The following FCHSD2 variants were observed in gnomAD, a reference collection of about 807,000 sequenced individuals.
FCHSD2 encodes F-BAR and double SH3 domains protein 2.
A neutral mutation model predicts 108.1 loss-of-function variants in FCHSD2; 38 were observed. The observed-to-expected ratio is 0.35, with a 90% CI of 0.27 to 0.46. FCHSD2 has a LOEUF of 0.46. Ranked by LOEUF, FCHSD2 falls within the 20% of genes least tolerant of loss-of-function variation. FCHSD2 has a pLI of 1.00. For synonymous variants in FCHSD2, 279 were observed against 314.7 expected, an observed-to-expected ratio of 0.89 and a Z score of 1.20; for missense variants, 751 against 897.8, an observed-to-expected ratio of 0.84 and a Z score of 2.09.
rs533679357 is a variant in FCHSD2, at chr11:72,956,784, T to C, written c.705+27304A>G. ...TGAATTTTGGGGAAACTTCAGACCA[T>C]AGCACTATTGCATAGGGGAAAAATG... On this transcript the variant is annotated intron_variant, in intron 8 of 19. Coordinates refer to ENST00000409418, the MANE Select transcript of FCHSD2 (RefSeq NM_014824.3). 2.1e-4 allele frequency among the ~76,000 whole-genome samples: 32 copies of C among 149,780 alleles called. No homozygotes were observed. The South Asian group carries it at 6.1e-3, about 29-fold the overall frequency.
At chr11:72,978,553 A>T (rs1271484637) in intron 8 of FCHSD2, among the ~76,000 whole-genome samples, 4 of 151,984 alleles carry the variant, frequency 2.6e-5, no homozygotes, top group Non-Finnish European at 4.4e-5. Flanking sequence ...CTCAAATCTC[A>T]TCATCTCAAA....
chr11:72,968,957 A>T (rs1308545233), intron 8 of FCHSD2, among the ~76,000 whole-genome samples: 1 of 152,256 alleles, frequency 6.6e-6, no homozygotes, highest in Non-Finnish European at 1.5e-5. Flanking sequence ...TAATAATATT[A>T]AGGCTTTGTC....
intron 9 of FCHSD2, among the ~76,000 whole-genome samples, chr11:72,916,267 A>C (rs945045512): frequency 6.9e-6 from 1 of 145,164 alleles, no homozygotes; most frequent in Non-Finnish European, 1.5e-5. Context: ...TCAAAAAACT[A>C]GCTTTTAATT....
chr11:72,987,167 C>G (rs568428887), intron 6 of FCHSD2, among the ~76,000 whole-genome samples: 18 of 152,304 alleles, frequency 1.2e-4, no homozygotes, highest in African/African-American at 3.1e-4. Flanking sequence ...CATCTCCACA[C>G]CATCTATCAA....
chr11:72,969,906 C>T (rs1211560728), intron 8 of FCHSD2, among the ~76,000 whole-genome samples: 3 of 152,186 alleles, frequency 2.0e-5, no homozygotes, highest in Admixed American at 6.5e-5. Flanking sequence ...CTCATTATTA[C>T]AGGAATAGGG....
chr11:72,845,252 C>G (rs1861090387), intron 14 of FCHSD2, among the ~76,000 whole-genome samples: 1 of 151,928 alleles, frequency 6.6e-6, no homozygotes, highest in Admixed American at 6.6e-5. Flanking sequence ...GAAACCCTGT[C>G]TCTATGAAAA....
chr11:72,876,974 CAT>C (rs1854983338), intron 12 of FCHSD2, among the ~76,000 whole-genome samples: 2 of 150,860 alleles, frequency 1.3e-5, no homozygotes, highest in Non-Finnish European at 1.5e-5. Context: ...ATGATCACTT[CAT>C]TTTTTTTTTT....
intron 4 of FCHSD2, among the ~76,000 whole-genome samples, chr11:73,001,827 T>C (rs1206486849): frequency 1.3e-5 from 2 of 152,180 alleles, no homozygotes; most frequent in Non-Finnish European, 2.9e-5. Flanking sequence ...TGCCATCACC[T>C]TTGCTTGATA....
intron 2 of FCHSD2, among the ~76,000 whole-genome samples, chr11:73,107,791 T>C (rs1860380703): frequency 6.6e-6 from 1 of 152,254 alleles, no homozygotes; most frequent in Non-Finnish European, 1.5e-5. Flanking sequence ...TTCTTTTTTA[T>C]GGCTGAATAG....
intron 3 of FCHSD2, among the ~76,000 whole-genome samples, chr11:73,057,417 T>C (rs1228740014): frequency 6.6e-6 from 1 of 152,126 alleles, no homozygotes; most frequent in East Asian, 1.9e-4. Flanking sequence ...CTTACTGTGG[T>C]AATTATGGGG....
intron 12 of FCHSD2, among the ~76,000 whole-genome samples, chr11:72,883,645 T>C (rs1855135026): frequency 6.6e-6 from 1 of 152,158 alleles, no homozygotes. Context: ...TTAAAAAGAC[T>C]GACAAGTCGG....
intron 3 of FCHSD2, among the ~76,000 whole-genome samples, chr11:73,038,863 C>A (rs980843544): frequency 6.6e-6 from 1 of 152,140 alleles, no homozygotes; most frequent in African/African-American, 2.4e-5. Context: ...AAAAAAAGAT[C>A]TGTCACCAAG....
Position 72,856,046 on chromosome 11 carries a change from G to A in FCHSD2, c.1309-6157C>T, listed in dbSNP as rs575160106. The stretch of plus-strand genomic sequence containing the variant: ...TATTCAAACATACAAAAGCACCAAT[G>A]TTTACACATTTAAGGTTACAAAGAA... On this transcript the variant is annotated intron_variant, in intron 13 of 19. Coordinates refer to ENST00000409418, the MANE Select transcript of FCHSD2 (RefSeq NM_014824.3). Among the ~76,000 whole-genome samples, 28 of 152,302 alleles carry A rather than the reference G, an allele frequency of 1.8e-4. 1 individual carries two copies. The South Asian group carries it at 5.6e-3, about 30-fold the overall frequency.
At chr11:72,913,205 G>A in intron 9 of FCHSD2, among the ~76,000 whole-genome samples, 1 of 152,130 alleles carries the variant, frequency 6.6e-6, no homozygotes, top group South Asian at 2.1e-4. Flanking sequence ...ATAATTTGAT[G>A]AGATTTGGGT....
At chr11:72,982,006 T>G (rs1476528955) in intron 8 of FCHSD2, among the ~76,000 whole-genome samples, 1 of 152,120 alleles carries the variant, frequency 6.6e-6, no homozygotes, top group African/African-American at 2.4e-5. Flanking sequence ...CTAAAACACC[T>G]AAACCTCTAG....
chr11:72,846,747 AAT>A (rs1718852567), intron 14 of FCHSD2, among the ~76,000 whole-genome samples: 2 of 152,200 alleles, frequency 1.3e-5, no homozygotes, highest in African/African-American at 2.4e-5. Flanking sequence ...CTTTTAAAAC[AAT>A]ATGTTTTTCC....
chr11:73,079,985 T>C (rs1484815924), intron 3 of FCHSD2, among the ~76,000 whole-genome samples: 4 of 152,100 alleles, frequency 2.6e-5, no homozygotes, highest in African/African-American at 9.7e-5. Context: ...CTAGTTATAA[T>C]CTATTTGAGA....
intron 3 of FCHSD2, among the ~76,000 whole-genome samples, chr11:73,079,555 A>G (rs1210806448): frequency 6.6e-6 from 1 of 152,116 alleles, no homozygotes; most frequent in Non-Finnish European, 1.5e-5. Context: ...CTGTCCCCAT[A>G]CAGGAAATGC....
intron 2 of FCHSD2, among the ~76,000 whole-genome samples, chr11:73,128,146 T>C (rs1860904205): frequency 6.6e-6 from 1 of 151,896 alleles, no homozygotes; most frequent in Admixed American, 6.6e-5. Context: ...TACAAAAACC[T>C]ACTCCTAACC....
Sources: allele counts gnomAD v4.1 joint callset (sites outside exome capture counted in the v4.1 genomes callset), GRCh38; gene constraint gnomAD v4.1.1; transcripts MANE v1.5; gene names NCBI Gene and HGNC (gene_info 2026-07-23, HGNC 2026-07-21).